COP1: variants seen among roughly 807,000 people sequenced by gnomAD.
COP1 encodes the protein E3 ubiquitin-protein ligase COP1.
Under a neutral mutation model 101.3 loss-of-function variants are expected in COP1, and 24 were observed. The observed-to-expected ratio is 0.24, with a 90% CI of 0.17 to 0.33. COP1 has a LOEUF of 0.33. Ranked by LOEUF, COP1 falls within the 10% of genes least tolerant of loss-of-function variation. The pLI, the probability that COP1 is intolerant of heterozygous loss-of-function variation, is 1.00. For missense variants in COP1, 663 were observed against 906.2 expected (o/e 0.73, Z 3.45); for synonymous variants, 347 against 341.9 (o/e 1.01, Z -0.17).
At chr1:176,005,649 A>T (rs369955753) in intron 15 of COP1, among the ~76,000 whole-genome samples, 1 of 152,088 alleles carries the variant, frequency 6.6e-6, no homozygotes, top group Non-Finnish European at 1.5e-5. Flanking sequence ...AGTTTCCATG[A>T]AGTTGAGCGG....
intron 6 of COP1, among the ~76,000 whole-genome samples, chr1:176,137,714 C>T (rs551855182): frequency 5.9e-5 from 9 of 152,176 alleles, no homozygotes; most frequent in South Asian, 2.1e-4. Flanking sequence ...GAAAACAGTA[C>T]CTTATTATTA....
intron 11 of COP1, among the ~76,000 whole-genome samples, chr1:176,060,465 T>C (rs1360548925): frequency 6.6e-6 from 1 of 152,206 alleles, no homozygotes; most frequent in African/African-American, 2.4e-5. Context: ...TTTAAAATGT[T>C]TTTAGTAAAC....
At chr1:175,987,759 A>C (rs1657467159) in intron 17 of COP1, among the ~76,000 whole-genome samples, 1 of 152,216 alleles carries the variant, frequency 6.6e-6, no homozygotes, top group Admixed American at 6.5e-5. Flanking sequence ...TCATCTATTC[A>C]GGCATTAGAT....
chr1:176,031,105 G>T (rs951795294), intron 14 of COP1, among the ~76,000 whole-genome samples: 10 of 152,138 alleles, frequency 6.6e-5, no homozygotes, highest in Admixed American at 6.5e-4. Context: ...CAGAGAGTGT[G>T]GCCCTGCCAA....
intron 11 of COP1, among the ~76,000 whole-genome samples, chr1:176,068,357 A>C (rs1264332459): frequency 6.6e-6 from 1 of 152,132 alleles, no homozygotes; most frequent in Non-Finnish European, 1.5e-5. Context: ...AATTGCTAGA[A>C]ATGCAAATTC....
intron 5 of COP1, among the ~76,000 whole-genome samples, chr1:176,158,505 A>G (rs181497795): frequency 7.2e-5 from 11 of 152,158 alleles, no homozygotes; most frequent in Non-Finnish European, 1.6e-4. Flanking sequence ...AGAAATCTCC[A>G]TAATTTAACC....
intron 14 of COP1, among the ~76,000 whole-genome samples, chr1:176,040,610 G>C (rs1670361358): frequency 6.6e-6 from 1 of 152,092 alleles, no homozygotes; most frequent in Non-Finnish European, 1.5e-5. Context: ...ATGCCTGGCT[G>C]ACGAGTTCTT....
intron 8 of COP1, among the ~76,000 whole-genome samples, chr1:176,121,583 C>T (rs1687127967): frequency 6.6e-6 from 1 of 151,914 alleles, no homozygotes; most frequent in African/African-American, 2.4e-5. Flanking sequence ...TGACACAATT[C>T]CACAGCTGGA....
chr1:175,951,035 C>T (rs3934392), intron 18 of COP1, among the ~76,000 whole-genome samples: 41,667 of 151,964 alleles, frequency 0.27, 6,662 homozygotes, highest in East Asian at 0.49. Flanking sequence ...CACCTGAGGT[C>T]GGGAGTTTGA....
intron 18 of COP1, among the ~76,000 whole-genome samples, chr1:175,973,160 G>C (rs1160878138): frequency 6.6e-6 from 1 of 152,122 alleles, no homozygotes; most frequent in African/African-American, 2.4e-5. Flanking sequence ...ACTTTTACAA[G>C]TCTAATTTTT....
Position 176,003,532 on chromosome 1 carries a change from G to T in COP1, c.1730-14053C>A, listed in dbSNP as rs551134755. Among the ~76,000 whole-genome samples, 966 of 151,430 alleles carry T rather than the reference G, an allele frequency of 6.4e-3. 10 individuals are homozygous for T. Among genetic ancestry groups the T allele is most frequent in the African/African-American group, 0.02 (810 of 41,398 alleles). ...CATCTTGAATTGATTTTTGTATAAG[G>T]TGTAAGGAAGGGATCCAGTTTCAGC... is the stretch of plus-strand genomic sequence containing the variant. On this transcript the variant is annotated intron_variant, in intron 15 of 19. Transcript: ENST00000367669.
chr1:176,017,346 G>C (rs149805161), intron 15 of COP1: 1 of 152,102 alleles, frequency 6.6e-6, no homozygotes, highest in Non-Finnish European at 1.5e-5. Context: ...AGATGCTTGA[G>C]AGTTTATAAA....
intron 15 of COP1, among the ~76,000 whole-genome samples, chr1:175,997,042 A>C (rs1484630122): frequency 1.3e-5 from 2 of 151,976 alleles, no homozygotes; most frequent in Non-Finnish European, 2.9e-5. Flanking sequence ...TACTGGTACC[A>C]AAACAGAGAT....
intron 18 of COP1, among the ~76,000 whole-genome samples, chr1:175,971,395 A>C (rs1653206737): frequency 6.6e-6 from 1 of 152,218 alleles, no homozygotes; most frequent in South Asian, 2.1e-4. Flanking sequence ...TATTAAGCAA[A>C]TATACAAACA....
chr1:176,012,532 T>C (rs1664866808), intron 15 of COP1, among the ~76,000 whole-genome samples: 1 of 152,198 alleles, frequency 6.6e-6, no homozygotes, highest in African/African-American at 2.4e-5. Context: ...AAAGAACTAT[T>C]AACAAATAAA....
intron 10 of COP1, among the ~76,000 whole-genome samples, chr1:176,081,588 A>C (rs1679170127): frequency 6.6e-6 from 1 of 152,040 alleles, no homozygotes. Flanking sequence ...AAGAGTCATT[A>C]AAACAAAAAT....
intron 15 of COP1, among the ~76,000 whole-genome samples, chr1:175,996,295 T>C (rs1173503245): frequency 6.6e-6 from 1 of 152,272 alleles, no homozygotes; most frequent in African/African-American, 2.4e-5. Flanking sequence ...AATATCATAC[T>C]GAATGGGCAA....
chr1:175,995,103 G>A (rs569294647), intron 15 of COP1, among the ~76,000 whole-genome samples: 8 of 152,102 alleles, frequency 5.3e-5, no homozygotes, highest in Non-Finnish European at 8.8e-5. Context: ...ACTAAAAACC[G>A]CTCAACTACA....
At position 175,951,463 on chromosome 1, in the gene COP1, A is replaced by ATATATATATAT. The variant is rs1558154896; in HGVS notation, c.2134-4225_2134-4224insATATATATATA. Among the ~76,000 whole-genome samples, 359 of 39,804 alleles carry ATATATATATAT rather than the reference A, an allele frequency of 9.0e-3. 9 individuals are homozygous for ATATATATATAT. The highest frequency in any genetic ancestry group is 0.014 in the Admixed American group (56 of 3,886). The allele number at this position is 39,804 out of a possible 152,430, so 26.1% of individuals were successfully genotyped here. A position where few individuals can be genotyped will look rare whatever the true frequency, so the allele number is the denominator to read the frequency against. On this transcript the variant is annotated intron_variant, in intron 18 of 19. Coordinates refer to ENST00000367669, the MANE Select transcript of COP1 (RefSeq NM_022457.7). ...ATATATATATATATATATATATATA[A>ATATATATATAT]AAACTTCCATTTTTGGCCATAACAG... is the stretch of plus-strand genomic sequence containing the variant.
Sources: gnomAD v4.1 joint callset for allele counts (sites outside exome capture counted in the v4.1 genomes callset) on GRCh38, gnomAD v4.1.1 for gene constraint, MANE v1.5 for transcripts, NCBI Gene and HGNC (gene_info 2026-07-23, HGNC 2026-07-21) for gene names.